BACH2: variants seen among roughly 807,000 people sequenced by gnomAD.
BACH2 encodes the protein transcription regulator protein BACH2.
BACH2 carries 5 observed loss-of-function variants against 61.8 expected under a neutral mutation model. That is an observed-to-expected ratio of 0.08 (90% CI 0.04 to 0.17). BACH2 has a LOEUF of 0.17. BACH2 is among the 10% of genes least tolerant of loss of function. BACH2 has a pLI of 1.00. For synonymous variants in BACH2, 446 were observed against 440.1 expected, an observed-to-expected ratio of 1.01 and a Z score of -0.17; for missense variants, 824 against 1,091.1, an observed-to-expected ratio of 0.76 and a Z score of 3.45.
intron 4 of BACH2, among the ~76,000 whole-genome samples, chr6:90,127,873 G>A (rs1335153942): frequency 6.6e-6 from 1 of 152,190 alleles, no homozygotes; most frequent in South Asian, 2.1e-4. Flanking sequence ...GGTGCTTCTG[G>A]CAATTGGAAG....
chr6:90,261,753 C>T (rs184124312), intron 2 of BACH2, among the ~76,000 whole-genome samples: 8 of 152,226 alleles, frequency 5.3e-5, no homozygotes, highest in East Asian at 3.9e-4. Flanking sequence ...ACATTAATAT[C>T]GCCCCTTGAT....
At chr6:90,279,251 G>T (rs957757399) in intron 1 of BACH2, among the ~76,000 whole-genome samples, 1 of 151,934 alleles carries the variant, frequency 6.6e-6, no homozygotes, top group African/African-American at 2.4e-5. Flanking sequence ...GGCCAGGCAC[G>T]GTGGCTCATG....
intron 4 of BACH2, among the ~76,000 whole-genome samples, chr6:90,127,320 C>T (rs1783895700): frequency 6.6e-6 from 1 of 152,206 alleles, no homozygotes; most frequent in South Asian, 2.1e-4. Context: ...CGTGGACCCC[C>T]TTTTTGAGGT....
In BACH2 at chr6:89,999,463, T is replaced by C. The variant is rs75554374; in HGVS notation, c.243+9139A>G. Among the ~76,000 whole-genome samples the C allele has an allele frequency of 8.1e-3, 1,233 of 152,008 alleles. 28 individuals are homozygous for C. Among genetic ancestry groups the C allele is most frequent in the East Asian group, 0.079 (407 of 5,160 alleles). ...TTTGTCACACCTTTTTTTTTTTTTT[T>C]CCAAGGGTGTAGGGTGTAATCTGGA... is the stretch of plus-strand genomic sequence containing the variant. On this transcript the variant is annotated intron_variant, in intron 6 of 8. Coordinates refer to ENST00000257749, the MANE Select transcript of BACH2 (RefSeq NM_021813.4).
At chr6:90,005,756 T>C (rs1031190972) in intron 6 of BACH2, among the ~76,000 whole-genome samples, 1 of 152,204 alleles carries the variant, frequency 6.6e-6, no homozygotes, top group Non-Finnish European at 1.5e-5. Flanking sequence ...TACTTAGAGC[T>C]GGATTACTGA....
chr6:90,061,303 T>C (rs1780674382), intron 5 of BACH2, among the ~76,000 whole-genome samples: 1 of 152,040 alleles, frequency 6.6e-6, no homozygotes, highest in African/African-American at 2.4e-5. Context: ...GAGCTTTTGA[T>C]AGTTTGGATG....
At chr6:90,059,968 A>G (rs1475522377) in intron 5 of BACH2, among the ~76,000 whole-genome samples, 1 of 105,214 alleles carries the variant, frequency 9.5e-6, no homozygotes, top group South Asian at 3.7e-4. Flanking sequence ...CACACCAGGG[A>G]CTGTTGTGGG....
intron 6 of BACH2, among the ~76,000 whole-genome samples, chr6:89,985,594 C>T (rs529093025): frequency 8.5e-5 from 13 of 152,286 alleles, no homozygotes; most frequent in African/African-American, 2.9e-4. Context: ...CTGGTTAGCT[C>T]CAGAGGGCCT....
chr6:90,279,270 C>G (rs961175430), intron 1 of BACH2, among the ~76,000 whole-genome samples: 4 of 152,018 alleles, frequency 2.6e-5, no homozygotes, highest in African/African-American at 9.7e-5. Flanking sequence ...TGCCTGTAAT[C>G]CCAGCACTTT....
chr6:90,181,181 T>C (rs1349825796), intron 4 of BACH2, among the ~76,000 whole-genome samples: 2 of 152,208 alleles, frequency 1.3e-5, no homozygotes, highest in African/African-American at 2.4e-5. Context: ...CAATATCTAT[T>C]GTTTTTTTAC....
At chr6:89,986,224 T>G (rs1776235379) in intron 6 of BACH2, among the ~76,000 whole-genome samples, 1 of 151,688 alleles carries the variant, frequency 6.6e-6, no homozygotes, top group South Asian at 2.1e-4. Context: ...TCTGAGTTTT[T>G]TTTTTTTTTT....
chr6:90,060,288 G>T (rs748592506), intron 5 of BACH2, among the ~76,000 whole-genome samples: 3 of 151,956 alleles, frequency 2.0e-5, no homozygotes, highest in Non-Finnish European at 4.4e-5. Flanking sequence ...ATAGGCTTTA[G>T]TTAGGCTTGC....
intron 4 of BACH2, among the ~76,000 whole-genome samples, chr6:90,125,313 C>T (rs1333757109): frequency 6.6e-6 from 1 of 152,222 alleles, no homozygotes; most frequent in African/African-American, 2.4e-5. Flanking sequence ...TCAGCCCCTA[C>T]ATCCTTTTCA....
intron 4 of BACH2, among the ~76,000 whole-genome samples, chr6:90,158,101 G>A (rs1023735829): frequency 7.2e-5 from 11 of 151,988 alleles, no homozygotes; most frequent in African/African-American, 2.7e-4. Context: ...ACAAGCAGTG[G>A]CCAAGTAGAA....
chr6:89,934,502 A>T (rs992581718), intron 8 of BACH2, among the ~76,000 whole-genome samples: 5 of 152,088 alleles, frequency 3.3e-5, no homozygotes, highest in African/African-American at 1.2e-4. Context: ...TACTAAAAAT[A>T]CAAAAAATTA....
chr6:90,014,345 G>T (rs1395065396), intron 5 of BACH2, among the ~76,000 whole-genome samples: 15 of 139,538 alleles, frequency 1.1e-4, no homozygotes, highest in African/African-American at 4.0e-4. Context: ...GAATGTACCT[G>T]TGAAGACTTC....
intron 2 of BACH2, among the ~76,000 whole-genome samples, chr6:90,271,353 AAAC>A (rs1771511558): frequency 6.7e-6 from 1 of 148,680 alleles, no homozygotes; most frequent in Non-Finnish European, 1.5e-5. Context: ...AGCAAGATAA[AAAC>A]AACCCCATTT....
At chr6:90,065,270 C>CCT (rs1780894736) in intron 5 of BACH2, among the ~76,000 whole-genome samples, 2 of 52,646 alleles carry the variant, frequency 3.8e-5, no homozygotes, top group Admixed American at 3.7e-4. Context: ...GCCGCCCCCA[C>CCT]TTTTTTTTTT....
At chr6:90,102,498 G>A (rs1428681037) in intron 4 of BACH2, among the ~76,000 whole-genome samples, 2 of 152,052 alleles carry the variant, frequency 1.3e-5, no homozygotes, top group Admixed American at 6.6e-5. Context: ...TTCAAAAAGT[G>A]CCCTCCTGGG....
Sources: allele counts gnomAD v4.1 joint callset (sites outside exome capture counted in the v4.1 genomes callset), GRCh38; gene constraint gnomAD v4.1.1; transcripts MANE v1.5; gene names NCBI Gene and HGNC (gene_info 2026-07-23, HGNC 2026-07-21).